BRD4: variants seen among roughly 807,000 people sequenced by gnomAD.
The protein encoded by BRD4 is bromodomain-containing protein 4.
BRD4 carries 16 observed loss-of-function variants against 142.1 expected under a neutral mutation model. That is an observed-to-expected ratio of 0.11 (90% CI 0.08 to 0.17). The LOEUF is 0.17. Among genes scored for constraint, BRD4 ranks in the 10% least tolerant of loss-of-function variants. BRD4 has a pLI of 1.00. For synonymous variants in BRD4, 833 were observed against 707.5 expected, an observed-to-expected ratio of 1.18 and a Z score of -2.82; for missense variants, 1,424 against 1,810.9, an observed-to-expected ratio of 0.79 and a Z score of 3.88.
intron 1 of BRD4, among the ~76,000 whole-genome samples, chr19:15,299,021 C>A (rs1447664598): frequency 6.6e-6 from 1 of 152,200 alleles, no homozygotes. Flanking sequence ...CATGGTGGCA[C>A]CACAAACACT....
At chr19:15,253,582 G>A (rs762094137) in intron 11 of BRD4, 3 of 1,583,328 alleles carry the variant, frequency 1.9e-6, no homozygotes, top group Admixed American at 3.5e-5. Flanking sequence ...ACAGCAACGA[G>A]CACACTCTGG....
chr19:15,318,576 GC>G (rs2048035452), intron 1 of BRD4, among the ~76,000 whole-genome samples: 1 of 152,200 alleles, frequency 6.6e-6, no homozygotes, highest in Non-Finnish European at 1.5e-5. Context: ...TCCAGTGCAT[GC>G]GTAAGCAAAT....
intron 1 of BRD4, among the ~76,000 whole-genome samples, chr19:15,280,683 G>A (rs1291749113): frequency 6.6e-6 from 1 of 152,168 alleles, no homozygotes; most frequent in Non-Finnish European, 1.5e-5. Context: ...CAGACTGCCA[G>A]CCAATGCCAA....
intron 1 of BRD4, among the ~76,000 whole-genome samples, chr19:15,306,351 C>T (rs970897086): frequency 6.6e-6 from 1 of 152,186 alleles, no homozygotes; most frequent in Admixed American, 6.5e-5. Context: ...TCGCTGCAGC[C>T]TCAACCTCCT....
intron 1 of BRD4, among the ~76,000 whole-genome samples, chr19:15,302,589 A>G (rs1277659999): frequency 1.5e-5 from 2 of 133,450 alleles, no homozygotes; most frequent in Non-Finnish European, 3.1e-5. Context: ...GAATTGCTTG[A>G]GCCCAGGAGG....
intron 1 of BRD4, among the ~76,000 whole-genome samples, chr19:15,293,245 T>C (rs551719361): frequency 2.6e-5 from 4 of 152,132 alleles, no homozygotes; most frequent in African/African-American, 9.6e-5. Flanking sequence ...TTAAAGACAC[T>C]AGAGTGGTTG....
intron 1 of BRD4, among the ~76,000 whole-genome samples, chr19:15,296,542 G>T (rs1283961909): frequency 6.6e-6 from 1 of 152,190 alleles, no homozygotes; most frequent in Non-Finnish European, 1.5e-5. Context: ...CTGAGGCAGA[G>T]GCTAGCACAT....
chr19:15,328,564 C>T (rs924892957), intron 1 of BRD4, among the ~76,000 whole-genome samples: 1 of 152,200 alleles, frequency 6.6e-6, no homozygotes, highest in African/African-American at 2.4e-5. Context: ...CCTTGTAAGT[C>T]ACTACCGAAC....
intron 1 of BRD4, among the ~76,000 whole-genome samples, chr19:15,329,528 C>G (rs2048138828): frequency 6.6e-6 from 1 of 152,012 alleles, no homozygotes; most frequent in Non-Finnish European, 1.5e-5. Context: ...ATCACGAGAT[C>G]AGGAGATCGA....
intron 13 of BRD4, 45 bp from the exon 14 acceptor site, chr19:15,243,532 GC>G: frequency 6.7e-7 from 1 of 1,499,126 alleles, no homozygotes; most frequent in Non-Finnish European, 8.9e-7. Flanking sequence ...AGCACCTGTG[GC>G]CCCAGCCTGG....
chr19:15,284,427 A>G (rs1424199765), intron 1 of BRD4, among the ~76,000 whole-genome samples: 1 of 152,192 alleles, frequency 6.6e-6, no homozygotes, highest in Non-Finnish European at 1.5e-5. Context: ...AGTCAGTGAG[A>G]GCTGACAGTG....
chr19:15,324,370 A>G (rs2048090222), intron 1 of BRD4, among the ~76,000 whole-genome samples: 1 of 152,264 alleles, frequency 6.6e-6, no homozygotes, highest in Non-Finnish European at 1.5e-5. Flanking sequence ...CACACAAGCA[A>G]AAGGCAACCT....
chr19:15,269,052 A>G lies in BRD4; in HGVS notation c.286-10T>C. On this transcript the variant is annotated splice_polypyrimidine_tract_variant and intron_variant, in intron 2 of 19. Coordinates refer to ENST00000679869, the MANE Select transcript of BRD4 (RefSeq NM_001379291.1). ...TGATCTTATAGTAATCCTGGAGAGC[A>G]GAGAGCAAAAGTCCAGTGTCACCTA... 2.5e-6 allele frequency: 4 copies of G among 1,613,778 alleles called. No homozygotes were observed. The highest frequency in any genetic ancestry group is 3.4e-6 in the Non-Finnish European group (4 of 1,179,878).
At chr19:15,298,059 C>A (rs1003077569) in intron 1 of BRD4, among the ~76,000 whole-genome samples, 1 of 152,244 alleles carries the variant, frequency 6.6e-6, no homozygotes. Flanking sequence ...AGGGTTACAG[C>A]AGCACCCAAC....
At chr19:15,273,616 C>G (rs1462244432) in intron 1 of BRD4, among the ~76,000 whole-genome samples, 1 of 152,176 alleles carries the variant, frequency 6.6e-6, no homozygotes, top group Non-Finnish European at 1.5e-5. Flanking sequence ...TTTGGTGGGC[C>G]AGGCAAGGAG....
intron 11 of BRD4, among the ~76,000 whole-genome samples, chr19:15,252,772 T>C (rs577589569): frequency 3.7e-4 from 57 of 152,326 alleles, no homozygotes; most frequent in African/African-American, 1.3e-3. Context: ...TCTGGAGTCC[T>C]GGAGGGTCCT....
chr19:15,266,590 A>G (rs963609464), intron 4 of BRD4, among the ~76,000 whole-genome samples: 11 of 152,212 alleles, frequency 7.2e-5, no homozygotes, highest in African/African-American at 2.7e-4. Context: ...CATGAGGATC[A>G]GGAATGTGAT....
At chr19:15,295,487 C>T (rs2047815513) in intron 1 of BRD4, among the ~76,000 whole-genome samples, 1 of 152,178 alleles carries the variant, frequency 6.6e-6, no homozygotes, top group African/African-American at 2.4e-5. Context: ...TTGCTGTGGC[C>T]AGAATTTGCC....
In BRD4 at chr19:15,237,017, T is replaced by TTAA; in HGVS notation, c.*1359_*1360insTTA. On this transcript the variant is annotated 3_prime_UTR_variant, in exon 20 of 20. Coordinates refer to ENST00000679869, the MANE Select transcript of BRD4 (RefSeq NM_001379291.1). ...CACCAGGGGCTCCAATTATAAAAAT[T>TTAA]AAAAAAAAAAAAAAAAAAAAGCATG... 8.4e-6 allele frequency: 1 copy of TTAA among 119,002 alleles called. No individual in the cohort carries two copies. 7.4% of individuals were successfully genotyped at this position (119,002 alleles called of 1,614,324 possible).
Sources: gnomAD v4.1 joint callset for allele counts (sites outside exome capture counted in the v4.1 genomes callset) on GRCh38, gnomAD v4.1.1 for gene constraint, MANE v1.5 for transcripts, NCBI Gene and HGNC (gene_info 2026-07-23, HGNC 2026-07-21) for gene names.